The following IQCB1 variants were observed in gnomAD, a reference collection of about 807,000 sequenced individuals.
IQCB1 encodes IQ motif containing B1.
IQCB1 carries 56 observed loss-of-function variants against 84.4 expected under a neutral mutation model. That is an observed-to-expected ratio of 0.66 (90% CI 0.54 to 0.83). The LOEUF (loss-of-function observed/expected upper bound fraction) is 0.83. Among genes scored for constraint, IQCB1 ranks in the 40% least tolerant of loss-of-function variants. The probability of loss-of-function intolerance (pLI) is 0.00; values close to 1 mark genes in which losing one functional copy is unlikely to be tolerated. For missense variants in IQCB1, 629 were observed against 682.1 expected (o/e 0.92, Z 0.87); for synonymous variants, 210 against 234.8 (o/e 0.89, Z 0.96).
In IQCB1 at chr3:121,826,115, G is replaced by T; in HGVS notation, c.329C>A (p.Ser110Ter). The T allele has an allele frequency of 6.2e-7, 1 of 1,612,604 alleles. No individual in the cohort carries two copies. Among genetic ancestry groups the T allele is most frequent in the Non-Finnish European group, 8.5e-7 (1 of 1,178,600 alleles). Reference sequence around the variant, plus strand: ...CAAAACTAGAAAATTTTCTGCAGCTGATGGAAGTAATTCATTGTAAAATTC... The same window carrying T: ...CAAAACTAGAAAATTTTCTGCAGCTTATGGAAGTAATTCATTGTAAAATTC... ...AEEFYNELLPSAAENFLVLGR... is the reference protein window; with the variant it reads ...AEEFYNELLP Residue 110 changes from serine (S) to a stop codon, truncating the protein, a stop_gained, in exon 5 of 15, where the codon TCA becomes TAA. Transcript: ENST00000310864. LOFTEE classifies it high-confidence loss of function.
chr3:121,809,299 G>C (rs1949732460), intron 5 of IQCB1, among the ~76,000 whole-genome samples: 1 of 151,964 alleles, frequency 6.6e-6, no homozygotes. Context: ...CTATGCATCA[G>C]AATCACCTGT....
chr3:121,792,626 C>T (rs1253744109), intron 10 of IQCB1, among the ~76,000 whole-genome samples: 3 of 133,926 alleles, frequency 2.2e-5, no homozygotes, highest in Non-Finnish European at 4.6e-5. Flanking sequence ...TGCGCCACTG[C>T]ACTCCCGCCT....
chr3:121,811,169 G>A (rs1261389437), intron 5 of IQCB1, among the ~76,000 whole-genome samples: 1 of 152,142 alleles, frequency 6.6e-6, no homozygotes, highest in Non-Finnish European at 1.5e-5. Context: ...TGCCTCACCT[G>A]GGAAGTGCAA....
Position 121,770,311 on chromosome 3 carries a change from A to G in IQCB1, c.*34T>C. ...GGCAGAACCAATATAATCTCCTAAA[A>G]TATGAGATTTGTGTCAATTCTTAGG... On this transcript the variant is annotated 3_prime_UTR_variant, in exon 15 of 15. Transcript: ENST00000310864. 1 of 1,403,498 alleles carries G rather than the reference A, an allele frequency of 7.1e-7. No homozygotes were observed. Among genetic ancestry groups the G allele is most frequent in the Non-Finnish European group, 1.0e-6 (1 of 989,920 alleles). The allele number at this position is 1,403,498 out of a possible 1,614,324, so 86.9% of individuals were successfully genotyped here. A position where few individuals can be genotyped will look rare whatever the true frequency, so the allele number is the denominator to read the frequency against.
intron 5 of IQCB1, among the ~76,000 whole-genome samples, chr3:121,813,063 C>T (rs865998031): frequency 2.6e-5 from 4 of 152,136 alleles, no homozygotes; most frequent in Admixed American, 6.5e-5. Flanking sequence ...AGACTAACAG[C>T]GGATGTCTCT....
chr3:121,785,945 G>C (rs1258320280), intron 12 of IQCB1, among the ~76,000 whole-genome samples: 2 of 151,186 alleles, frequency 1.3e-5, no homozygotes, highest in East Asian at 3.9e-4. Context: ...GAGGTGGGAG[G>C]ATCACTTGAG....
chr3:121,826,260 A>G, intron 4 of IQCB1, 80 bp from the exon 5 acceptor site: 1 of 1,354,282 alleles, frequency 7.4e-7, no homozygotes, highest in Non-Finnish European at 1.0e-6. Flanking sequence ...TGCCTTATTG[A>G]GAATTTTTAG....
intron 4 of IQCB1, among the ~76,000 whole-genome samples, chr3:121,826,496 T>C (rs772178921): frequency 3.3e-5 from 5 of 152,202 alleles, no homozygotes; most frequent in Admixed American, 6.5e-5. Context: ...CTCAAAGCTA[T>C]AGGATACCTT....
At chr3:121,781,953 G>C in intron 12 of IQCB1, 79 bp from the exon 13 acceptor site, 2 of 1,373,290 alleles carry the variant, frequency 1.5e-6, no homozygotes, top group South Asian at 1.2e-5. Context: ...ACATATGGTA[G>C]TGATCACATT....
rs536406894 is a variant in IQCB1, at chr3:121,810,017, C to T, written c.394-1008G>A. Reference sequence around the variant, plus strand: ...TTTATCCTTTTAGTTCAGGAAGCTACCTTTGCCAGAGTTTTACCTAAAGAT... The same window carrying T: ...TTTATCCTTTTAGTTCAGGAAGCTATCTTTGCCAGAGTTTTACCTAAAGAT... On this transcript the variant is annotated intron_variant, in intron 5 of 14. Coordinates refer to ENST00000310864, the MANE Select transcript of IQCB1 (RefSeq NM_001023570.4). Among the ~76,000 whole-genome samples, 45 of 151,030 alleles carry T rather than the reference C, an allele frequency of 3.0e-4. No homozygotes were observed. In the South Asian group the frequency reaches 5.6e-3, roughly 19 times the overall value.
At chr3:121,782,033 G>A (rs566640978) in intron 12 of IQCB1, among the ~76,000 whole-genome samples, 159 bp from the exon 13 acceptor site, 5 of 152,226 alleles carry the variant, frequency 3.3e-5, no homozygotes, top group African/African-American at 1.2e-4. Flanking sequence ...GGAGAACAGT[G>A]ACTTTTAAAA....
intron 13 of IQCB1, among the ~76,000 whole-genome samples, chr3:121,779,784 T>A (rs1414090622): frequency 6.6e-6 from 1 of 152,224 alleles, no homozygotes; most frequent in Non-Finnish European, 1.5e-5. Context: ...GAAAACATTT[T>A]AATCTTTTTT....
chr3:121,775,498 T>C (rs1179903333), intron 13 of IQCB1, among the ~76,000 whole-genome samples: 1 of 152,092 alleles, frequency 6.6e-6, no homozygotes, highest in Admixed American at 6.5e-5. Context: ...AAGGGAGGGA[T>C]AGCATTAGGA....
chr3:121,786,339 A>C (rs1327436120), intron 12 of IQCB1, among the ~76,000 whole-genome samples: 3 of 149,026 alleles, frequency 2.0e-5, no homozygotes, highest in Non-Finnish European at 4.5e-5. Flanking sequence ...CCTTCTTTGA[A>C]AGTAATTCTT....
chr3:121,830,994 A>G (rs1186498773), intron 2 of IQCB1, among the ~76,000 whole-genome samples: 1 of 152,174 alleles, frequency 6.6e-6, no homozygotes, highest in Non-Finnish European at 1.5e-5. Flanking sequence ...TCCATGCTTC[A>G]GTCATGCCTA....
intron 12 of IQCB1, among the ~76,000 whole-genome samples, chr3:121,783,593 C>T (rs114541627): frequency 2.1e-3 from 327 of 152,272 alleles, no homozygotes; most frequent in African/African-American, 7.4e-3. Flanking sequence ...ATTTTACAAA[C>T]TCTGCCCTAA....
At chr3:121,806,467 C>T (rs1949603201) in intron 7 of IQCB1, among the ~76,000 whole-genome samples, 1 of 152,104 alleles carries the variant, frequency 6.6e-6, no homozygotes, top group Admixed American at 6.6e-5. Flanking sequence ...CTAGTCACCT[C>T]CCTATATGGA....
chr3:121,789,707 T>C (rs991101275), intron 11 of IQCB1, among the ~76,000 whole-genome samples: 1 of 152,226 alleles, frequency 6.6e-6, no homozygotes, highest in Non-Finnish European at 1.5e-5. Context: ...ACAACATTTG[T>C]ACTAAGGAAT....
intron 5 of IQCB1, among the ~76,000 whole-genome samples, chr3:121,818,009 T>A (rs1272305221): frequency 3.3e-5 from 5 of 152,168 alleles, no homozygotes; most frequent in African/African-American, 1.2e-4. Flanking sequence ...GACTTCTTAG[T>A]CTCCAGAACT....
Sources: gnomAD v4.1 joint callset for allele counts (sites outside exome capture counted in the v4.1 genomes callset) on GRCh38, gnomAD v4.1.1 for gene constraint, MANE v1.5 for transcripts, NCBI Gene and HGNC (gene_info 2026-07-23, HGNC 2026-07-21) for gene names.